KCNQ1OT1: variants seen among roughly 807,000 people sequenced by gnomAD.
KCNQ1OT1 encodes the protein KCNQ1 opposite strand/antisense transcript 1.
rs1394640487 is a variant in KCNQ1OT1 at position 2,624,242 on chromosome 11, T to G, written n.75753A>C. 2 of 398,488 alleles carry G rather than the reference T, an allele frequency of 5.0e-6. No homozygotes were observed. The highest frequency in any genetic ancestry group is 8.8e-6 in the Non-Finnish European group (2 of 226,058). 24.7% of individuals were successfully genotyped at this position (398,488 alleles called of 1,614,324 possible). On this transcript the variant is annotated non_coding_transcript_exon_variant, in exon 1 of 1. Coordinates refer to ENST00000597346, the Ensembl canonical transcript of KCNQ1OT1. This position sits in a 1 kb window ranked among gnomAD's most constrained non-coding sequence, Gnocchi z 4.9. ...CATTGGTGAGATGTCTGTTAAGGTC[T>G]TCAGTCCATTTTGTAATCAGATTGT...
In KCNQ1OT1 at chr11:2,617,063, A is replaced by G; in HGVS notation, n.82932T>C. ...CAAATTAATATGTCCATCATCTCAC[A>G]GTTATTCTTTTGTGTGTATGAGTGA... On this transcript the variant is annotated non_coding_transcript_exon_variant, in exon 1 of 1. Coordinates refer to ENST00000597346, the Ensembl canonical transcript of KCNQ1OT1. The surrounding 1 kb of genome is among the most constrained non-coding windows in gnomAD (Gnocchi z 4.6). 4 of 398,198 alleles carry G rather than the reference A, an allele frequency of 1.0e-5. No homozygotes were observed. The highest frequency in any genetic ancestry group is 1.8e-5 in the Non-Finnish European group (4 of 225,868). The allele number at this position is 398,198 out of a possible 1,614,324, so 24.7% of individuals were successfully genotyped here.
rs777465004 is a variant in KCNQ1OT1, at chr11:2,662,229, C to T, written n.37766G>A. ...ACTTGCCGTCTGCCTGGCCCCAACA[C>T]GGAGGCACCAGGCAAGAGAGGAGAG... On this transcript the variant is annotated non_coding_transcript_exon_variant, in exon 1 of 1. Transcript: ENST00000597346. The T allele has an allele frequency of 9.3e-5, 96 of 1,035,590 alleles. 1 individual carries two copies. Among genetic ancestry groups the T allele is most frequent in the Admixed American group, 3.4e-4 (16 of 47,174 alleles). 64.2% of individuals were successfully genotyped at this position (1,035,590 alleles called of 1,614,324 possible). A position where few individuals can be genotyped will look rare whatever the true frequency, so the allele number is the denominator to read the frequency against.
chr11:2,692,951 C>T (rs1850612690), exon 1 of KCNQ1OT1: 1 of 398,572 alleles, frequency 2.5e-6, no homozygotes, highest in Non-Finnish European at 4.4e-6. Context: ...TGCCCATACG[C>T]TCAATAATGA....
At position 2,653,776 on chromosome 11, in the gene KCNQ1OT1, C is replaced by G. The variant is rs1339928551; in HGVS notation, n.46219G>C. ...GGCCTCAGCTGGGGTACAAGCCATC[C>G]TTGGACCTGCAGCTGTACCTCCGAT... On this transcript the variant is annotated non_coding_transcript_exon_variant, in exon 1 of 1. Transcript: ENST00000597346. The surrounding 1 kb of genome is among the most constrained non-coding windows in gnomAD (Gnocchi z 5.3). The G allele has an allele frequency of 2.5e-6, 1 of 398,658 alleles. No homozygotes were observed. Among genetic ancestry groups the G allele is most frequent in the Non-Finnish European group, 4.4e-6 (1 of 226,082 alleles). The allele number at this position is 398,658 out of a possible 1,614,324, so 24.7% of individuals were successfully genotyped here. A position where few individuals can be genotyped will look rare whatever the true frequency, so the allele number is the denominator to read the frequency against.
Position 2,679,820 on chromosome 11 carries a change from T to C in KCNQ1OT1, n.20175A>G. 1 of 398,652 alleles carries C rather than the reference T, an allele frequency of 2.5e-6. No individual in the cohort carries two copies. Among genetic ancestry groups the C allele is most frequent in the Non-Finnish European group, 4.4e-6 (1 of 226,076 alleles). 24.7% of individuals were successfully genotyped at this position (398,652 alleles called of 1,614,324 possible). A position where few individuals can be genotyped will look rare whatever the true frequency, so the allele number is the denominator to read the frequency against. On this transcript the variant is annotated non_coding_transcript_exon_variant, in exon 1 of 1. Coordinates refer to ENST00000597346, the Ensembl canonical transcript of KCNQ1OT1. The surrounding 1 kb of genome is among the most constrained non-coding windows in gnomAD (Gnocchi z 4.8). ...GCTAGAGGAGCACAAGGGGCCAGAC[T>C]GCTGCTACTTCTGAATTTTATAGGA...
chr11:2,673,776 A>G lies in KCNQ1OT1; in HGVS notation n.26219T>C. 1 of 398,648 alleles carries G rather than the reference A, an allele frequency of 2.5e-6. No homozygotes were observed. Among genetic ancestry groups the G allele is most frequent in the Non-Finnish European group, 4.4e-6 (1 of 226,104 alleles). 24.7% of individuals were successfully genotyped at this position (398,648 alleles called of 1,614,324 possible). On this transcript the variant is annotated non_coding_transcript_exon_variant, in exon 1 of 1. Coordinates refer to ENST00000597346, the Ensembl canonical transcript of KCNQ1OT1. The surrounding 1 kb of genome is among the most constrained non-coding windows in gnomAD (Gnocchi z 4.5). ...AGTCCCTTCTTGCTGGTATGTTGGG[A>G]AGCTCTGGTGCAAAGGGCAGTGATG... is the stretch of plus-strand genomic sequence containing the variant.
At position 2,617,342 on chromosome 11, in the gene KCNQ1OT1, A is replaced by G. The variant is rs944355204; in HGVS notation, n.82653T>C. The G allele has an allele frequency of 5.0e-6, 2 of 398,264 alleles. No individual in the cohort carries two copies. The highest frequency in any genetic ancestry group is 8.9e-6 in the Non-Finnish European group (2 of 225,918). 24.7% of individuals were successfully genotyped at this position (398,264 alleles called of 1,614,324 possible). ...AGATTATTTAAAACTTTTCATTTGTATATGGCTTATTTAACTTAGCACAAT... is the reference window on the plus strand; with the variant it reads ...AGATTATTTAAAACTTTTCATTTGTGTATGGCTTATTTAACTTAGCACAAT... On this transcript the variant is annotated non_coding_transcript_exon_variant, in exon 1 of 1. Transcript: ENST00000597346. The surrounding 1 kb of genome is among the most constrained non-coding windows in gnomAD (Gnocchi z 4.6).
chr11:2,653,350 C>T lies in KCNQ1OT1; in HGVS notation n.46645G>A, dbSNP rs1253811393. 2 of 398,624 alleles carry T rather than the reference C, an allele frequency of 5.0e-6. No homozygotes were observed. Among genetic ancestry groups the T allele is most frequent in the Non-Finnish European group, 4.4e-6 (1 of 226,138 alleles). 24.7% of individuals were successfully genotyped at this position (398,624 alleles called of 1,614,324 possible). On this transcript the variant is annotated non_coding_transcript_exon_variant, in exon 1 of 1. Coordinates refer to ENST00000597346, the Ensembl canonical transcript of KCNQ1OT1. This position sits in a 1 kb window ranked among gnomAD's most constrained non-coding sequence, Gnocchi z 5.3. ...CCAGGCCCATGTCCGTAGGCTCACA[C>T]CTCACCCCCAACTTTGTCATGCACA...
chr11:2,655,934 C>A, exon 1 of KCNQ1OT1: 1 of 398,714 alleles, frequency 2.5e-6, no homozygotes, highest in Non-Finnish European at 4.4e-6. Context: ...CCAAAAAGCA[C>A]ACATTCCTCT....
Position 2,642,293 on chromosome 11 carries a change from G to C in KCNQ1OT1, n.57702C>G, listed in dbSNP as rs1849592451. The C allele has an allele frequency of 2.5e-6, 1 of 398,118 alleles. No homozygotes were observed. Among genetic ancestry groups the C allele is most frequent in the Non-Finnish European group, 4.4e-6 (1 of 225,856 alleles). 24.7% of individuals were successfully genotyped at this position (398,118 alleles called of 1,614,324 possible). On this transcript the variant is annotated non_coding_transcript_exon_variant, in exon 1 of 1. Coordinates refer to ENST00000597346, the Ensembl canonical transcript of KCNQ1OT1. This position sits in a 1 kb window ranked among gnomAD's most constrained non-coding sequence, Gnocchi z 4.3. ...GTGTTCTTTTCAATTTCTTTCATCA[G>C]ACTTTTGTAGTTTTCCTTGTTAGAG...
chr11:2,682,277 G>C lies in KCNQ1OT1; in HGVS notation n.17718C>G, dbSNP rs1850410819. 1 of 398,362 alleles carries C rather than the reference G, an allele frequency of 2.5e-6. No individual in the cohort carries two copies. The highest frequency in any genetic ancestry group is 1.3e-4 in the South Asian group (1 of 7,848). The allele number at this position is 398,362 out of a possible 1,614,324, so 24.7% of individuals were successfully genotyped here. A position where few individuals can be genotyped will look rare whatever the true frequency, so the allele number is the denominator to read the frequency against. On this transcript the variant is annotated non_coding_transcript_exon_variant, in exon 1 of 1. Coordinates refer to ENST00000597346, the Ensembl canonical transcript of KCNQ1OT1. The surrounding 1 kb of genome is among the most constrained non-coding windows in gnomAD (Gnocchi z 5.8). ...AGCCAATTTCTAAAGCTTAAGACTGGGCTGTAAAAAATCACATACCTCCCC... is the reference window on the plus strand; with the variant it reads ...AGCCAATTTCTAAAGCTTAAGACTGCGCTGTAAAAAATCACATACCTCCCC...
In KCNQ1OT1 at chr11:2,613,805, C is replaced by G. The variant is rs1457790084; in HGVS notation, n.86190G>C. 3 of 398,358 alleles carry G rather than the reference C, an allele frequency of 7.5e-6. No homozygotes were observed. The highest frequency in any genetic ancestry group is 1.3e-5 in the Non-Finnish European group (3 of 226,034). The allele number at this position is 398,358 out of a possible 1,614,324, so 24.7% of individuals were successfully genotyped here. Reference sequence around the variant, plus strand: ...CCCATATCTCTTCCATCCTAATTCCCCCTACCCATTATAGGTAACCAGTTT... The same window carrying G: ...CCCATATCTCTTCCATCCTAATTCCGCCTACCCATTATAGGTAACCAGTTT... On this transcript the variant is annotated non_coding_transcript_exon_variant, in exon 1 of 1. Coordinates refer to ENST00000597346, the Ensembl canonical transcript of KCNQ1OT1. This position sits in a 1 kb window ranked among gnomAD's most constrained non-coding sequence, Gnocchi z 4.8.
exon 1 of KCNQ1OT1, chr11:2,640,878 C>T (rs112403204): frequency 5.0e-6 from 2 of 399,658 alleles, no homozygotes; most frequent in African/African-American, 4.1e-5. Flanking sequence ...CTCTCTACCT[C>T]CATGAGATCA....
rs533926232 is a variant in KCNQ1OT1 at position 2,640,300 on chromosome 11, C to G, written n.59695G>C. ...GAAATCACCCATCTTCTGCGTCACT[C>G]ACGCTGGGAGCTATAGACTGGAGCT... is the stretch of plus-strand genomic sequence containing the variant. On this transcript the variant is annotated non_coding_transcript_exon_variant, in exon 1 of 1. Coordinates refer to ENST00000597346, the Ensembl canonical transcript of KCNQ1OT1. 32 of 398,288 alleles carry G rather than the reference C, an allele frequency of 8.0e-5. No homozygotes were observed. In the South Asian group the frequency reaches 2.7e-3, roughly 33 times the overall value. 24.7% of individuals were successfully genotyped at this position (398,288 alleles called of 1,614,324 possible).
rs1219932436 is a variant in KCNQ1OT1, at chr11:2,670,102, T to C, written n.29893A>G. 5.0e-5 allele frequency: 20 copies of C among 398,614 alleles called. No homozygotes were observed. Among genetic ancestry groups the C allele is most frequent in the South Asian group, 1.3e-4 (1 of 7,858 alleles). 24.7% of individuals were successfully genotyped at this position (398,614 alleles called of 1,614,324 possible). A position where few individuals can be genotyped will look rare whatever the true frequency, so the allele number is the denominator to read the frequency against. On this transcript the variant is annotated non_coding_transcript_exon_variant, in exon 1 of 1. Transcript: ENST00000597346. This position sits in a 1 kb window ranked among gnomAD's most constrained non-coding sequence, Gnocchi z 4.9. ...GGCAGAATCAGTGGACTGTGTCTCA[T>C]GGCAGTCACAGGTGCCCCAGTATGC...
At chr11:2,636,277 A>T (rs1849463114) in exon 1 of KCNQ1OT1, 1 of 152,138 alleles carries the variant, frequency 6.6e-6, no homozygotes, top group Non-Finnish European at 1.5e-5. Context: ...TTCAAAGGGA[A>T]TGCTTCCAGT....
exon 1 of KCNQ1OT1, chr11:2,629,869 CAG>C (rs1485013694): frequency 1.3e-5 from 5 of 397,910 alleles, no homozygotes; most frequent in African/African-American, 6.2e-5. Context: ...CATCTGCAAA[CAG>C]AGACAATTTT....
chr11:2,640,511 C>A, exon 1 of KCNQ1OT1: 1 of 397,956 alleles, frequency 2.5e-6, no homozygotes, highest in South Asian at 1.3e-4. Context: ...GTCTTGAATT[C>A]CTGGGCTCAA....
chr11:2,690,962 A>G lies in KCNQ1OT1; in HGVS notation n.9033T>C. ...AAAGGTTCATTTGGGAGTCACGGGT[A>G]TGTGTCAACAAAAGCCCACCAGACC... On this transcript the variant is annotated non_coding_transcript_exon_variant, in exon 1 of 1. Transcript: ENST00000597346. This position sits in a 1 kb window ranked among gnomAD's most constrained non-coding sequence, Gnocchi z 5.1. 1 of 398,648 alleles carries G rather than the reference A, an allele frequency of 2.5e-6. No individual in the cohort carries two copies. The highest frequency in any genetic ancestry group is 4.4e-6 in the Non-Finnish European group (1 of 226,076). 24.7% of individuals were successfully genotyped at this position (398,648 alleles called of 1,614,324 possible).
Sources: allele counts gnomAD v4.1 joint callset, GRCh38; gene constraint gnomAD v4.1.1; non-coding constraint Gnocchi (gnomAD v3.1); transcripts MANE v1.5; gene names NCBI Gene and HGNC (gene_info 2026-07-23, HGNC 2026-07-21).